ACAD10: variants seen among roughly 807,000 people sequenced by gnomAD.
ACAD10 encodes ACAD-10.
A neutral mutation model predicts 116.8 loss-of-function variants in ACAD10; 112 were observed. The ratio of observed to expected loss-of-function variants is 0.96; its 90% CI spans 0.82 to 1.12. ACAD10 has a LOEUF of 1.12. Ranked by LOEUF, ACAD10 falls within the 50% of genes most tolerant of loss-of-function variation. The pLI is 0.00. For synonymous variants in ACAD10, 486 were observed against 510.6 expected, an observed-to-expected ratio of 0.95 and a Z score of 0.65; for missense variants, 1,259 against 1,350.2, an observed-to-expected ratio of 0.93 and a Z score of 1.06.
At chr12:111,749,780 T>C (rs1196506166) in intron 18 of ACAD10, 1 of 151,552 alleles carries the variant, frequency 6.6e-6, no homozygotes, top group Admixed American at 6.5e-5. Context: ...AAAAAAAATT[T>C]TTTTTTTTTT....
chr12:111,740,782 C>CAAAAAAAAAA (rs751899672), intron 12 of ACAD10, among the ~76,000 whole-genome samples: 1 of 51,026 alleles, frequency 2.0e-5, no homozygotes, highest in Non-Finnish European at 4.4e-5. Context: ...GACTCCATCT[C>CAAAAAAAAAA]AAAAAAAAAA....
chr12:111,714,562 G>A (rs1888786941), intron 6 of ACAD10, among the ~76,000 whole-genome samples: 1 of 151,418 alleles, frequency 6.6e-6, no homozygotes, highest in African/African-American at 2.4e-5. Flanking sequence ...CTACTGGGGA[G>A]GCTAAGGCAG....
Position 111,756,733 on chromosome 12 carries a change from T to G in ACAD10, c.*260T>G, listed in dbSNP as rs1299677101. 2 of 641,926 alleles carry G rather than the reference T, an allele frequency of 3.1e-6. No individual in the cohort carries two copies. Among genetic ancestry groups the G allele is most frequent in the Non-Finnish European group, 5.7e-6 (2 of 351,926 alleles). 39.8% of individuals were successfully genotyped at this position (641,926 alleles called of 1,614,324 possible). On this transcript the variant is annotated 3_prime_UTR_variant, in exon 21 of 21. Transcript: ENST00000313698. ...TCTGGGACAGAGTCTGGAAAGCTGGTCTTCAGGCTCTCAGTCCCAGGCTGG... is the reference window on the plus strand; with the variant it reads ...TCTGGGACAGAGTCTGGAAAGCTGGGCTTCAGGCTCTCAGTCCCAGGCTGG...
At chr12:111,740,782 C>CAAA (rs751899672) in intron 12 of ACAD10, among the ~76,000 whole-genome samples, 8 of 51,038 alleles carry the variant, frequency 1.6e-4, no homozygotes, top group South Asian at 8.1e-4. Context: ...GACTCCATCT[C>CAAA]AAAAAAAAAA....
At chr12:111,742,802 T>G (rs1250974353) in intron 12 of ACAD10, among the ~76,000 whole-genome samples, 1 of 152,128 alleles carries the variant, frequency 6.6e-6, no homozygotes, top group Non-Finnish European at 1.5e-5. Flanking sequence ...CTCCACCTCC[T>G]GGGTTCAAGC....
chr12:111,724,922 G>A (rs1036498977), intron 8 of ACAD10, among the ~76,000 whole-genome samples: 14 of 151,794 alleles, frequency 9.2e-5, no homozygotes, highest in Non-Finnish European at 1.8e-4. Flanking sequence ...GAGGGAGAGG[G>A]AGAAGACTAT....
At position 111,744,877 on chromosome 12, in the gene ACAD10, G is replaced by A. The variant is rs1445174779; in HGVS notation, c.1949G>A (p.Gly650Glu). 1.2e-6 allele frequency: 2 copies of A among 1,614,056 alleles called. No homozygotes were observed. The highest frequency in any genetic ancestry group is 2.7e-5 in the African/African-American group (2 of 74,930). Residue 650 changes from glycine to glutamate, a missense_variant, in exon 13 of 21, where the codon GGA (glycine) becomes GAA (glutamate). Gly to Glu is a moderately conservative substitution (Grantham distance 98, BLOSUM62 -2). Coordinates refer to ENST00000313698, the MANE Select transcript of ACAD10 (RefSeq NM_025247.6). ...GCTTCCCCAGCTCATACCTCAAGGGGAGGTCTGGTTATCTCTCCAGAGAGC... is the reference window on the plus strand; with the variant it reads ...GCTTCCCCAGCTCATACCTCAAGGGAAGGTCTGGTTATCTCTCCAGAGAGC... ...PEASPAHTSR[G>E]GLVISPESLS...
At chr12:111,710,200 C>T in intron 5 of ACAD10, 1 of 422,670 alleles carries the variant, frequency 2.4e-6, no homozygotes, top group East Asian at 8.1e-5. Flanking sequence ...AGTGATCCTC[C>T]TACCTCAGTC....
chr12:111,688,392 C>G (rs1422440908), intron 1 of ACAD10, among the ~76,000 whole-genome samples: 1 of 152,148 alleles, frequency 6.6e-6, no homozygotes, highest in Non-Finnish European at 1.5e-5. Context: ...GGTGCAGGAC[C>G]CCCTGCAGAT....
At chr12:111,729,649 A>G (rs143485763) in intron 9 of ACAD10, among the ~76,000 whole-genome samples, 157 bp from the exon 10 acceptor site, 1 of 152,226 alleles carries the variant, frequency 6.6e-6, no homozygotes, top group Non-Finnish European at 1.5e-5. Flanking sequence ...CAGCAGGAGC[A>G]TCATGTGGGA....
At chr12:111,750,258 A>AT (rs1349572571) in intron 18 of ACAD10, among the ~76,000 whole-genome samples, 2 of 151,196 alleles carry the variant, frequency 1.3e-5, no homozygotes, top group Admixed American at 6.6e-5. Flanking sequence ...TGCCTGGCTA[A>AT]TTTTTTGTAT....
intron 2 of ACAD10, among the ~76,000 whole-genome samples, chr12:111,699,360 A>G (rs1419733587): frequency 6.6e-6 from 1 of 152,186 alleles, no homozygotes; most frequent in African/African-American, 2.4e-5. Context: ...AGCATAAAAT[A>G]CAGATAAAAT....
In ACAD10 at chr12:111,692,867, T is replaced by C; in HGVS notation, c.158T>C (p.Leu53Pro). ...RAVIFDMGGV[L>P]IPSPGRVAAE... ...GTGATTTTCGACATGGGCGGAGTTC[T>C]CATTCCTTCTCCAGGGAGAGTCGCT... is the stretch of plus-strand genomic sequence containing the variant. The change falls in exon 2 of 21, where the codon CTC (leucine) becomes CCC (proline). Residue 53 changes from leucine (L) to proline (P), a missense_variant. Physicochemically the swap from Leu to Pro is moderately conservative, Grantham distance 98 (BLOSUM62 -3). Transcript: ENST00000313698. The C allele has an allele frequency of 6.2e-7, 1 of 1,614,162 alleles. No individual in the cohort carries two copies. The highest frequency in any genetic ancestry group is 8.5e-7 in the Non-Finnish European group (1 of 1,180,006).
chr12:111,723,748 G>A (rs1188615343), intron 8 of ACAD10, among the ~76,000 whole-genome samples: 1 of 150,698 alleles, frequency 6.6e-6, no homozygotes, highest in Non-Finnish European at 1.5e-5. Flanking sequence ...TCACTTCCCA[G>A]ATGGGGTGGC....
intron 17 of ACAD10, chr12:111,748,911 G>A: frequency 8.5e-7 from 1 of 1,170,326 alleles, no homozygotes; most frequent in Non-Finnish European, 1.2e-6. Flanking sequence ...AAACCACTAG[G>A]AGCTTCAGCT....
intron 18 of ACAD10, among the ~76,000 whole-genome samples, chr12:111,751,824 C>T (rs780370479): frequency 2.0e-5 from 3 of 151,164 alleles, no homozygotes; most frequent in Admixed American, 6.6e-5. Context: ...TTTGGGAGGC[C>T]GAGGTGGGCA....
At chr12:111,753,725 A>T (rs369596415) in intron 18 of ACAD10, 47 bp from the exon 19 acceptor site, 1 of 1,613,024 alleles carries the variant, frequency 6.2e-7, no homozygotes. Flanking sequence ...TCTCGTGGCC[A>T]CCCCCAGCCC....
chr12:111,710,419 G>A (rs984525213), intron 5 of ACAD10: 25 of 352,470 alleles, frequency 7.1e-5, no homozygotes, highest in Middle Eastern at 7.6e-4. Context: ...TTTCATCGTC[G>A]AGCTGATGGG....
chr12:111,716,210 C>T (rs1260830591), intron 7 of ACAD10, among the ~76,000 whole-genome samples: 2 of 151,830 alleles, frequency 1.3e-5, no homozygotes, highest in African/African-American at 4.8e-5. Flanking sequence ...ACCCCCCATC[C>T]CCCCCCAAAA....
Sources: gnomAD v4.1 joint callset for allele counts (sites outside exome capture counted in the v4.1 genomes callset) on GRCh38, gnomAD v4.1.1 for gene constraint, MANE v1.5 for transcripts, NCBI Gene and HGNC (gene_info 2026-07-23, HGNC 2026-07-21) for gene names.